ULK4: variants seen among roughly 807,000 people sequenced by gnomAD.
The protein encoded by ULK4 is unc-51 like kinase 4.
ULK4 carries 133 observed loss-of-function variants against 160.6 expected under a neutral mutation model. The ratio of observed to expected loss-of-function variants is 0.83; its 90% CI spans 0.72 to 0.96. The LOEUF (loss-of-function observed/expected upper bound fraction) is 0.96. Among genes scored for constraint, ULK4 ranks in the 40% least tolerant of loss-of-function variants. The probability of loss-of-function intolerance (pLI) is 0.00; values close to 1 mark genes in which losing one functional copy is unlikely to be tolerated. For missense variants in ULK4, 1,580 were observed against 1,499.5 expected, an observed-to-expected ratio of 1.05 and a Z score of -0.89; for synonymous variants, 534 against 539.8, an observed-to-expected ratio of 0.99 and a Z score of 0.15.
At chr3:41,948,882 C>A (rs1663405064) in intron 2 of ULK4, among the ~76,000 whole-genome samples, 2 of 152,084 alleles carry the variant, frequency 1.3e-5, no homozygotes, top group Admixed American at 1.3e-4. Flanking sequence ...TCTGCTTTCT[C>A]CACTTCTAGT....
chr3:41,443,587 T>C (rs1049964885), intron 34 of ULK4, among the ~76,000 whole-genome samples: 1 of 152,152 alleles, frequency 6.6e-6, no homozygotes, highest in African/African-American at 2.4e-5. Flanking sequence ...CCAGTTAACA[T>C]ACCATGGTAA....
At chr3:41,630,068 C>T (rs958701268) in intron 30 of ULK4, among the ~76,000 whole-genome samples, 8 of 152,214 alleles carry the variant, frequency 5.3e-5, no homozygotes, top group African/African-American at 1.9e-4. Flanking sequence ...CTACAGCAAT[C>T]TAAGGGGGAC....
chr3:41,651,213 A>G (rs1251561130), intron 30 of ULK4, among the ~76,000 whole-genome samples: 1 of 152,108 alleles, frequency 6.6e-6, no homozygotes, highest in Admixed American at 6.5e-5. Flanking sequence ...TCTCCTTCTT[A>G]AAGTCCCTGA....
At chr3:41,305,185 G>GCACTCC (rs2079880686) in intron 35 of ULK4, among the ~76,000 whole-genome samples, 1 of 146,824 alleles carries the variant, frequency 6.8e-6, no homozygotes. Flanking sequence ...CTGGAATAGG[G>GCACTCC]CTCTCCCTCT....
At chr3:41,281,088 C>A (rs181683648) in intron 35 of ULK4, among the ~76,000 whole-genome samples, 2 of 152,274 alleles carry the variant, frequency 1.3e-5, no homozygotes, top group African/African-American at 4.8e-5. Flanking sequence ...CACATACACC[C>A]TCCCAAGACT....
At chr3:41,497,177 A>G (rs992564103) in intron 32 of ULK4, among the ~76,000 whole-genome samples, 25 of 152,190 alleles carry the variant, frequency 1.6e-4, no homozygotes, top group African/African-American at 6.0e-4. Context: ...TAGGAAATAG[A>G]AAACATAAAC....
intron 27 of ULK4, among the ~76,000 whole-genome samples, chr3:41,686,347 T>G (rs527777037): frequency 6.6e-6 from 1 of 152,212 alleles, no homozygotes; most frequent in African/African-American, 2.4e-5. Context: ...AGCCAGGGTT[T>G]CTTGGAAGAG....
At chr3:41,346,963 A>C (rs2125756928) in intron 35 of ULK4, among the ~76,000 whole-genome samples, 1 of 152,314 alleles carries the variant, frequency 6.6e-6, no homozygotes, top group East Asian at 1.9e-4. Context: ...GCTTAAAAAT[A>C]ATCTACAATA....
intron 31 of ULK4, among the ~76,000 whole-genome samples, chr3:41,571,808 TC>T (rs2087985276): frequency 1.3e-5 from 2 of 152,154 alleles, no homozygotes; most frequent in African/African-American, 4.8e-5. Flanking sequence ...CATATATTTT[TC>T]CAATCCTCAG....
At chr3:41,565,930 T>G in intron 32 of ULK4, 95 bp downstream of exon 32, 1 of 846,262 alleles carries the variant, frequency 1.2e-6, no homozygotes, top group Non-Finnish European at 1.8e-6. Context: ...TTTTGACTCA[T>G]CAACTTTAAG....
chr3:41,610,607 T>A lies in ULK4; in HGVS notation c.3120+5062A>T, dbSNP rs1020666302. ...AAATACTTTAGGCCTCAAGGGTCCA[T>A]AAAGAGACTCTTTTCTAAAAATACA... On this transcript the variant is annotated intron_variant, in intron 31 of 36. Transcript: ENST00000301831. 2.6e-5 allele frequency among the ~76,000 whole-genome samples: 4 copies of A among 152,232 alleles called. No individual in the cohort carries two copies. In the East Asian group the frequency reaches 7.7e-4, roughly 29 times the overall value.
chr3:41,665,271 T>C (rs935187332), intron 29 of ULK4, among the ~76,000 whole-genome samples: 1 of 151,944 alleles, frequency 6.6e-6, no homozygotes, highest in African/African-American at 2.4e-5. Context: ...AGGAGCTAAG[T>C]AAAGAAAAGA....
At chr3:41,841,181 GGA>G (rs2041912160) in intron 17 of ULK4, among the ~76,000 whole-genome samples, 1 of 148,652 alleles carries the variant, frequency 6.7e-6, no homozygotes. Context: ...TGGGAGGTGA[GGA>G]GCGCCTCTGC....
intron 31 of ULK4, among the ~76,000 whole-genome samples, chr3:41,566,491 C>T (rs902172846): frequency 1.3e-5 from 2 of 152,214 alleles, no homozygotes; most frequent in Non-Finnish European, 2.9e-5. Context: ...AAAACTACTT[C>T]AAGCAAATAT....
intron 35 of ULK4, among the ~76,000 whole-genome samples, chr3:41,271,876 T>C (rs2125686666): frequency 6.6e-6 from 1 of 152,292 alleles, no homozygotes; most frequent in Middle Eastern, 3.4e-3. Flanking sequence ...TTTCTGATGC[T>C]TCTCATTCCT....
chr3:41,250,029 A>G (rs925283674), intron 35 of ULK4, among the ~76,000 whole-genome samples: 1 of 152,188 alleles, frequency 6.6e-6, no homozygotes, highest in African/African-American at 2.4e-5. Context: ...GTGCCTGGGG[A>G]CCTGGGAGAG....
At chr3:41,382,757 A>C (rs2081687476) in intron 35 of ULK4, among the ~76,000 whole-genome samples, 7 of 152,314 alleles carry the variant, frequency 4.6e-5, no homozygotes, top group Admixed American at 3.9e-4. Flanking sequence ...GTAAATATCA[A>C]CTGAACTATA....
At chr3:41,549,448 A>G (rs1355507145) in intron 32 of ULK4, among the ~76,000 whole-genome samples, 1 of 152,186 alleles carries the variant, frequency 6.6e-6, no homozygotes, top group Non-Finnish European at 1.5e-5. Context: ...AGCAGAAGAC[A>G]GAATTTTAGA....
chr3:41,758,864 C>G (rs1171131094), intron 21 of ULK4, among the ~76,000 whole-genome samples: 1 of 149,524 alleles, frequency 6.7e-6, no homozygotes, highest in Non-Finnish European at 1.5e-5. Flanking sequence ...CAGAGCAAGA[C>G]TCCATCTCAA....
Sources: gnomAD v4.1 joint callset for allele counts (sites outside exome capture counted in the v4.1 genomes callset) on GRCh38, gnomAD v4.1.1 for gene constraint, MANE v1.5 for transcripts, NCBI Gene and HGNC (gene_info 2026-07-23, HGNC 2026-07-21) for gene names.